SLC12A6: variants seen among roughly 807,000 people sequenced by gnomAD.
SLC12A6 encodes solute carrier family 12 member 6.
Under a neutral mutation model 135.3 loss-of-function variants are expected in SLC12A6, and 66 were observed. That is an observed-to-expected ratio of 0.49 (90% CI 0.40 to 0.60). SLC12A6 has a LOEUF of 0.60. SLC12A6 is among the 20% of genes least tolerant of loss of function. SLC12A6 has a pLI of 0.00. For missense variants in SLC12A6, 1,058 were observed against 1,452.3 expected, an observed-to-expected ratio of 0.73 and a Z score of 4.41; for synonymous variants, 513 against 508.8, an observed-to-expected ratio of 1.01 and a Z score of -0.11.
chr15:34,254,955 A>G (rs1892648467), intron 8 of SLC12A6, among the ~76,000 whole-genome samples: 3 of 152,256 alleles, frequency 2.0e-5, no homozygotes, highest in African/African-American at 7.2e-5. Context: ...GAGAGATATG[A>G]GAAGCATTTT....
chr15:34,263,594 T>C (rs2140804343), intron 3 of SLC12A6, among the ~76,000 whole-genome samples: 1 of 152,206 alleles, frequency 6.6e-6, no homozygotes, highest in African/African-American at 2.4e-5. Flanking sequence ...ATTTGAGCAC[T>C]TCCTTAACTT....
At chr15:34,252,424 A>G (rs557756018) in intron 9 of SLC12A6, 40 bp from the exon 10 acceptor site, 1 of 1,206,256 alleles carries the variant, frequency 8.3e-7, no homozygotes, top group Non-Finnish European at 1.2e-6. Flanking sequence ...AAGTAAGGAA[A>G]AAAAGTACAT....
chr15:34,254,619 G>A (rs1892622114), intron 8 of SLC12A6, 30 bp from the exon 9 acceptor site: 6 of 1,548,986 alleles, frequency 3.9e-6, no homozygotes, highest in Non-Finnish European at 5.4e-6. Context: ...GAGAAAATTA[G>A]GTTATTTCAA....
At chr15:34,319,100 T>G (rs963429258) in intron 2 of SLC12A6, among the ~76,000 whole-genome samples, 4 of 152,068 alleles carry the variant, frequency 2.6e-5, no homozygotes, top group Non-Finnish European at 5.9e-5. Context: ...GCCCTCATAT[T>G]TCACACAAGA....
intron 2 of SLC12A6, among the ~76,000 whole-genome samples, chr15:34,312,073 C>G (rs1433492726): frequency 6.6e-6 from 1 of 152,212 alleles, no homozygotes; most frequent in Non-Finnish European, 1.5e-5. Context: ...GTAATCCTCA[C>G]AACCACCCTG....
At chr15:34,303,104 T>C (rs1177622083) in intron 2 of SLC12A6, among the ~76,000 whole-genome samples, 1 of 152,204 alleles carries the variant, frequency 6.6e-6, no homozygotes, top group Non-Finnish European at 1.5e-5. Context: ...AGAGACTATC[T>C]TCTTAACAAG....
intron 23 of SLC12A6, 50 bp downstream of exon 23, chr15:34,236,658 A>G (rs775849250): frequency 2.1e-5 from 23 of 1,097,822 alleles, no homozygotes; most frequent in Non-Finnish European, 3.2e-5. Flanking sequence ...CATCCCTTTC[A>G]GTGACAGACT....
chr15:34,302,694 T>C (rs1896336900), intron 2 of SLC12A6, among the ~76,000 whole-genome samples: 1 of 151,920 alleles, frequency 6.6e-6, no homozygotes. Flanking sequence ...CTCATGCCTA[T>C]AATCTTGGCA....
intron 2 of SLC12A6, among the ~76,000 whole-genome samples, chr15:34,328,835 G>A (rs180886): frequency 0.26 from 39,400 of 152,062 alleles, 7,281 homozygotes; most frequent in African/African-American, 0.52. Flanking sequence ...GTGTACTACA[G>A]TTGTGCCTCT....
Position 34,330,808 on chromosome 15 carries a change from T to A in SLC12A6, c.271+5602A>T, listed in dbSNP as rs118012041. The stretch of plus-strand genomic sequence containing the variant: ...ACATGGATAGTATTCAATAATTATA[T>A]AATATAGAAGACTTATTTAAGAGAA... On this transcript the variant is annotated intron_variant, in intron 2 of 25. Transcript: ENST00000354181. 5.8e-4 allele frequency among the ~76,000 whole-genome samples: 88 copies of A among 152,294 alleles called. 2 individuals carry two copies. In the East Asian group the frequency reaches 0.017, roughly 29 times the overall value.
intron 2 of SLC12A6, 33 bp downstream of exon 2, chr15:34,336,377 T>C (rs750378567): frequency 1.3e-6 from 2 of 1,571,036 alleles, no homozygotes; most frequent in Non-Finnish European, 1.8e-6. Context: ...AACCCAGTAA[T>C]GAAAGTATGC....
At chr15:34,244,502 TA>T (rs971028219) in intron 15 of SLC12A6, among the ~76,000 whole-genome samples, 4 of 152,186 alleles carry the variant, frequency 2.6e-5, no homozygotes, top group African/African-American at 9.7e-5. Flanking sequence ...TTGATCATCC[TA>T]AAGCATTATC....
intron 2 of SLC12A6, among the ~76,000 whole-genome samples, chr15:34,305,359 C>G (rs941556563): frequency 1.3e-5 from 2 of 151,024 alleles, no homozygotes; most frequent in Non-Finnish European, 2.9e-5. Flanking sequence ...TGTCCTGAAT[C>G]GATCCAATAG....
chr15:34,242,793 G>A (rs1158366897), intron 16 of SLC12A6, among the ~76,000 whole-genome samples: 1 of 152,152 alleles, frequency 6.6e-6, no homozygotes, highest in Non-Finnish European at 1.5e-5. Context: ...CACTTTGGGA[G>A]GCTGAGGCGG....
intron 2 of SLC12A6, among the ~76,000 whole-genome samples, chr15:34,314,384 C>T (rs757411216): frequency 6.6e-6 from 1 of 152,146 alleles, no homozygotes; most frequent in Non-Finnish European, 1.5e-5. Flanking sequence ...CTGAAACCTA[C>T]TGCCCAGGAA....
At chr15:34,236,684 T>G in intron 23 of SLC12A6, 24 bp downstream of exon 23, 1 of 1,268,222 alleles carries the variant, frequency 7.9e-7, no homozygotes, top group South Asian at 1.2e-5. Context: ...GAGCACGGAT[T>G]GGATTGATGC....
chr15:34,255,525 T>TA (rs1311370996), intron 7 of SLC12A6, 133 bp from the exon 8 acceptor site: 1 of 688,712 alleles, frequency 1.5e-6, no homozygotes, highest in Non-Finnish European at 2.5e-6. Flanking sequence ...CTCAATGTGA[T>TA]AAAAAGATGT....
intron 2 of SLC12A6, among the ~76,000 whole-genome samples, chr15:34,287,225 A>G (rs1327557458): frequency 1.3e-5 from 2 of 152,156 alleles, no homozygotes; most frequent in African/African-American, 4.8e-5. Flanking sequence ...GAGTGAGAAC[A>G]TGTGGTGTTT....
chr15:34,235,231 A>G lies in SLC12A6; in HGVS notation c.3311T>C (p.Val1104Ala). 6.2e-7 allele frequency: 1 copy of G among 1,613,860 alleles called. No homozygotes were observed. Residue 1104 changes from valine (V) to alanine (A), a missense_variant, in exon 25 of 26, where the codon GTT becomes GCT. Around this residue, in one of 6 missense-constraint regions of SLC12A6, gnomAD observed 245 missense variants for 440.8 expected, o/e 0.56. Coordinates refer to ENST00000354181, the MANE Select transcript of SLC12A6 (RefSeq NM_001365088.1). ...GGGTGGCCCTGGCATATTCAATAAA[A>G]CCAGCTTTGCTTCATGGGACTTGTT... ...IVNKSHEAKL[V>A]LLNMPGPPRN...
Sources: gnomAD v4.1 joint callset for allele counts (sites outside exome capture counted in the v4.1 genomes callset) on GRCh38, gnomAD v4.1.1 for gene constraint, gnomAD v4.1.1 regional missense constraint, MANE v1.5 for transcripts, NCBI Gene and HGNC (gene_info 2026-07-23, HGNC 2026-07-21) for gene names.